The following ELMO1 variants were observed in gnomAD, a reference collection of about 807,000 sequenced individuals.
ELMO1 encodes engulfment and cell motility 1, also known as engulfment and cell motility protein 1.
A neutral mutation model predicts 98.9 loss-of-function variants in ELMO1; 26 were observed. The ratio of observed to expected loss-of-function variants is 0.26; its 90% CI spans 0.19 to 0.36. ELMO1 has a LOEUF of 0.36. Ranked by LOEUF, ELMO1 falls within the 10% of genes least tolerant of loss-of-function variation. ELMO1 has a pLI of 1.00. For missense variants in ELMO1, 627 were observed against 935.2 expected (o/e 0.67, Z 4.30); for synonymous variants, 346 against 346.0 (o/e 1.00, Z 0.00).
At chr7:37,338,702 G>A (rs903863651) in intron 2 of ELMO1, among the ~76,000 whole-genome samples, 1 of 152,120 alleles carries the variant, frequency 6.6e-6, no homozygotes, top group Non-Finnish European at 1.5e-5. Context: ...CAAGAACAGT[G>A]CATGCAGGAG....
At chr7:37,376,098 C>A (rs1020338748) in intron 1 of ELMO1, 14 of 335,566 alleles carry the variant, frequency 4.2e-5, no homozygotes, top group Non-Finnish European at 6.3e-5. Context: ...AACAAACAAA[C>A]AAAAAAAACA....
chr7:36,873,376 G>A (rs1214235584), intron 19 of ELMO1, among the ~76,000 whole-genome samples: 2 of 152,176 alleles, frequency 1.3e-5, no homozygotes, highest in African/African-American at 4.8e-5. Flanking sequence ...GAGGCCTTTT[G>A]TGTGGAAGCA....
intron 14 of ELMO1, among the ~76,000 whole-genome samples, chr7:37,123,694 A>G (rs1433961832): frequency 6.6e-6 from 1 of 152,210 alleles, no homozygotes; most frequent in Non-Finnish European, 1.5e-5. Context: ...TCACAGCTGA[A>G]TTCTACCAGA....
chr7:36,894,041 G>T (rs1023294098), intron 17 of ELMO1, among the ~76,000 whole-genome samples: 8 of 152,066 alleles, frequency 5.3e-5, no homozygotes, highest in African/African-American at 1.9e-4. Context: ...GTCTTCTGAG[G>T]ACAAAATGAG....
chr7:36,939,145 G>A (rs1786798633), intron 16 of ELMO1, among the ~76,000 whole-genome samples: 1 of 151,662 alleles, frequency 6.6e-6, no homozygotes. Context: ...GGACATAACT[G>A]TATTTTAACA....
At chr7:37,287,595 C>T (rs1797460616) in intron 4 of ELMO1, among the ~76,000 whole-genome samples, 1 of 152,238 alleles carries the variant, frequency 6.6e-6, no homozygotes, top group African/African-American at 2.4e-5. Context: ...CTTATCCTAT[C>T]ATGGCTTGTT....
At chr7:37,300,896 C>T (rs961840298) in intron 4 of ELMO1, among the ~76,000 whole-genome samples, 5 of 152,100 alleles carry the variant, frequency 3.3e-5, no homozygotes, top group African/African-American at 1.2e-4. Flanking sequence ...GCCATCTGGT[C>T]CTGGACTCTT....
At chr7:37,293,692 A>T (rs4629746) in intron 4 of ELMO1, among the ~76,000 whole-genome samples, 2 of 77,458 alleles carry the variant, frequency 2.6e-5, no homozygotes, top group East Asian at 5.1e-4. Flanking sequence ...CCCCCTCTGT[A>T]AGAAACACCC....
chr7:37,178,807 C>T (rs1243823800), intron 13 of ELMO1, among the ~76,000 whole-genome samples: 1 of 152,090 alleles, frequency 6.6e-6, no homozygotes, highest in Non-Finnish European at 1.5e-5. Context: ...CAAACCCAAA[C>T]TGAAGAACAG....
chr7:37,073,719 A>G (rs1797407475), intron 15 of ELMO1, among the ~76,000 whole-genome samples: 1 of 151,864 alleles, frequency 6.6e-6, no homozygotes, highest in South Asian at 2.1e-4. Context: ...GGTCTGTGCT[A>G]GGACTACAGA....
chr7:36,941,889 T>C (rs966006937), intron 16 of ELMO1, among the ~76,000 whole-genome samples: 4 of 152,224 alleles, frequency 2.6e-5, no homozygotes, highest in African/African-American at 9.7e-5. Context: ...TGTAAATCAA[T>C]TTGCCTCAGA....
chr7:36,938,127 C>A (rs1290380609), intron 16 of ELMO1, among the ~76,000 whole-genome samples: 1 of 152,198 alleles, frequency 6.6e-6, no homozygotes, highest in Non-Finnish European at 1.5e-5. Flanking sequence ...AGTCAAGATG[C>A]TGGAATGCCC....
chr7:37,113,913 G>C (rs1030948077), intron 14 of ELMO1, among the ~76,000 whole-genome samples: 10 of 152,328 alleles, frequency 6.6e-5, no homozygotes, highest in African/African-American at 2.4e-4. Flanking sequence ...CCAGTAGCTA[G>C]ATTTTAGATT....
At chr7:36,907,934 C>A (rs926462932) in intron 16 of ELMO1, among the ~76,000 whole-genome samples, 1 of 152,202 alleles carries the variant, frequency 6.6e-6, no homozygotes, top group African/African-American at 2.4e-5. Context: ...GTTAATCTTA[C>A]CTAACACACA....
intron 1 of ELMO1, among the ~76,000 whole-genome samples, chr7:37,408,916 C>A (rs1803885486): frequency 6.6e-6 from 1 of 151,966 alleles, no homozygotes; most frequent in South Asian, 2.1e-4. Context: ...TTGCTTTTTA[C>A]CACATGCAAA....
chr7:37,414,216 C>T (rs554374308), intron 1 of ELMO1, among the ~76,000 whole-genome samples: 1 of 143,522 alleles, frequency 7.0e-6, no homozygotes, highest in South Asian at 2.2e-4. Flanking sequence ...TATTAGCAGC[C>T]AACATCCATA....
At chr7:37,401,418 G>A (rs1803522049) in intron 1 of ELMO1, among the ~76,000 whole-genome samples, 1 of 152,102 alleles carries the variant, frequency 6.6e-6, no homozygotes, top group South Asian at 2.1e-4. Flanking sequence ...AGGATTTTCT[G>A]ACTTTTCTTT....
At chr7:37,190,810 T>G (rs544749865) in intron 13 of ELMO1, among the ~76,000 whole-genome samples, 1 of 152,274 alleles carries the variant, frequency 6.6e-6, no homozygotes, top group Non-Finnish European at 1.5e-5. Flanking sequence ...AGAAATTTTC[T>G]TTTAAAAATT....
Position 37,222,612 on chromosome 7 carries a change from T to C in ELMO1, c.780+3A>G, listed in dbSNP as rs779982817. The C allele has an allele frequency of 3.7e-6, 6 of 1,613,828 alleles. No individual in the cohort carries two copies. The highest frequency in any genetic ancestry group is 4.2e-6 in the Non-Finnish European group (5 of 1,179,856). On this transcript the variant is annotated splice_donor_region_variant and intron_variant, in intron 10 of 21. Transcript: ENST00000310758. Reference sequence around the variant, plus strand: ...GCCATAAGACTAAAGAAATGCAACTTACCTGCCTCCTCTCATCAGGAGCCT... The same window carrying C: ...GCCATAAGACTAAAGAAATGCAACTCACCTGCCTCCTCTCATCAGGAGCCT...
Sources: allele counts gnomAD v4.1 joint callset (sites outside exome capture counted in the v4.1 genomes callset), GRCh38; gene constraint gnomAD v4.1.1; transcripts MANE v1.5; gene names NCBI Gene and HGNC (gene_info 2026-07-23, HGNC 2026-07-21).